ELP1: variants seen among roughly 807,000 people sequenced by gnomAD.
ELP1 encodes the protein elongator complex protein 1.
Under a neutral mutation model 183.2 loss-of-function variants are expected in ELP1, and 131 were observed. The ratio of observed to expected loss-of-function variants is 0.72; its 90% CI spans 0.62 to 0.83. The LOEUF (loss-of-function observed/expected upper bound fraction) is 0.83, where lower values mean the gene tolerates loss of function less well. Among genes scored for constraint, ELP1 ranks in the 40% least tolerant of loss-of-function variants. ELP1 has a pLI of 0.00. For missense variants in ELP1, 1,550 were observed against 1,594.9 expected, an observed-to-expected ratio of 0.97 and a Z score of 0.48; for synonymous variants, 555 against 569.0, an observed-to-expected ratio of 0.98 and a Z score of 0.35.
intron 36 of ELP1, among the ~76,000 whole-genome samples, chr9:108,873,290 T>A (rs777579204): frequency 6.6e-6 from 1 of 152,198 alleles, no homozygotes; most frequent in African/African-American, 2.4e-5. Context: ...AAATGACCCA[T>A]CAAGTCATTG....
At chr9:108,907,663 C>T (rs552888160) in intron 13 of ELP1, among the ~76,000 whole-genome samples, 1 of 152,202 alleles carries the variant, frequency 6.6e-6, no homozygotes, top group African/African-American at 2.4e-5. Context: ...TTACCAGGTC[C>T]ATGACCTTGG....
intron 18 of ELP1, among the ~76,000 whole-genome samples, chr9:108,901,136 A>G (rs999881902): frequency 3.3e-5 from 5 of 152,218 alleles, no homozygotes; most frequent in African/African-American, 4.8e-5. Flanking sequence ...GTAATTCCAA[A>G]TAAAATATTA....
intron 20 of ELP1, 73 bp downstream of exon 20, chr9:108,899,749 T>C: frequency 8.2e-7 from 1 of 1,214,940 alleles, no homozygotes; most frequent in Non-Finnish European, 1.2e-6. Flanking sequence ...TTCTCGAAAT[T>C]GTAATAAAAT....
intron 20 of ELP1, among the ~76,000 whole-genome samples, chr9:108,899,253 T>C (rs563933845): frequency 1.3e-5 from 2 of 151,990 alleles, no homozygotes; most frequent in East Asian, 1.9e-4. Context: ...TAAGCCGAGA[T>C]TGCGCCACTG....
In ELP1 at chr9:108,921,289, C is replaced by A. The variant is rs1433166829; in HGVS notation, c.552+1553G>T. Among the ~76,000 whole-genome samples the A allele has an allele frequency of 2.0e-5, 3 of 150,800 alleles. No individual in the cohort carries two copies. The East Asian group carries it at 5.9e-4, about 30-fold the overall frequency. ...CACCCCACCCCACAGCCCTACCCAA[C>A]CACTACTCTACTTTCTGCCTCTGTG... is the stretch of plus-strand genomic sequence containing the variant. On this transcript the variant is annotated intron_variant, in intron 6 of 36. Coordinates refer to ENST00000374647, the MANE Select transcript of ELP1 (RefSeq NM_003640.5).
chr9:108,903,330 G>T (rs147854908), intron 15 of ELP1, among the ~76,000 whole-genome samples: 1 of 151,590 alleles, frequency 6.6e-6, no homozygotes, highest in African/African-American at 2.4e-5. Flanking sequence ...TGCGGTGTTT[G>T]GTTTTTTGTC....
chr9:108,887,587 A>T (rs71499674), intron 29 of ELP1, among the ~76,000 whole-genome samples: 2,033 of 152,328 alleles, frequency 0.013, 23 homozygotes, highest in East Asian at 0.028. Flanking sequence ...AAATGAAATT[A>T]AAAACTAGTC....
intron 36 of ELP1, among the ~76,000 whole-genome samples, chr9:108,873,787 G>A (rs971161919): frequency 3.9e-4 from 60 of 152,134 alleles, no homozygotes; most frequent in East Asian, 1.3e-3. Flanking sequence ...TTGGGAGGCC[G>A]AGGCAGGAGG....
intron 13 of ELP1, 81 bp from the exon 14 acceptor site, chr9:108,906,566 A>C: frequency 1.7e-6 from 2 of 1,179,958 alleles, no homozygotes; most frequent in East Asian, 2.4e-5. Flanking sequence ...AGGAAGACTG[A>C]AGCATCTTGT....
Position 108,901,798 on chromosome 9 carries a change from G to C in ELP1, c.1855-117C>G, listed in dbSNP as rs1312716895. 11 of 983,682 alleles carry C rather than the reference G, an allele frequency of 1.1e-5. No homozygotes were observed. The East Asian group carries it at 2.0e-4, about 18-fold the overall frequency. 60.9% of individuals were successfully genotyped at this position (983,682 alleles called of 1,614,324 possible). On this transcript the variant is annotated intron_variant, in intron 16 of 36. Coordinates refer to ENST00000374647, the MANE Select transcript of ELP1 (RefSeq NM_003640.5). ...TTCACACCTAAGTTCCTGTAATCAGGACTAAAGATAGATACCTAAGACGTG... is the reference window on the plus strand; with the variant it reads ...TTCACACCTAAGTTCCTGTAATCAGCACTAAAGATAGATACCTAAGACGTG...
chr9:108,882,294 G>A, intron 29 of ELP1, 107 bp from the exon 30 acceptor site: 1 of 860,754 alleles, frequency 1.2e-6, no homozygotes, highest in South Asian at 1.4e-5. Flanking sequence ...CCTGGCCAGG[G>A]GAGAACTCCT....
rs147310486 is a variant in ELP1, at chr9:108,922,965, G to T, written c.467-38C>A. On this transcript the variant is annotated intron_variant, in intron 5 of 36. Transcript: ENST00000374647. Reference sequence around the variant, plus strand: ...TGGCAAGACAACTAATAAGCCACATGAAATGAAACAAAAACAGTTTCACTG... The same window carrying T: ...TGGCAAGACAACTAATAAGCCACATTAAATGAAACAAAAACAGTTTCACTG... The T allele has an allele frequency of 4.0e-4, 584 of 1,451,864 alleles. 1 individual carries two copies. The African/African-American group carries it at 7.1e-3, about 18-fold the overall frequency. The allele number at this position is 1,451,864 out of a possible 1,614,324, so 89.9% of individuals were successfully genotyped here.
At chr9:108,926,411 G>T in intron 5 of ELP1, 112 bp downstream of exon 5, 1 of 825,562 alleles carries the variant, frequency 1.2e-6, no homozygotes, top group South Asian at 1.4e-5. Flanking sequence ...AATAGCTGGG[G>T]GTTTAACTTT....
chr9:108,921,217 A>T (rs1027699781), intron 6 of ELP1, among the ~76,000 whole-genome samples: 3 of 152,136 alleles, frequency 2.0e-5, no homozygotes, highest in Admixed American at 2.0e-4. Flanking sequence ...GAGCATTTTC[A>T]TCATCCCCAA....
chr9:108,906,820 A>G (rs890199494), intron 13 of ELP1, among the ~76,000 whole-genome samples: 3 of 152,232 alleles, frequency 2.0e-5, no homozygotes, highest in Admixed American at 6.5e-5. Flanking sequence ...ACTTACCAGC[A>G]TTCAAACCAG....
Position 108,891,207 on chromosome 9 carries a change from C to T in ELP1, c.3156G>A (p.Leu1052=). Residue 1052 remains leucine, a synonymous_variant, in exon 28 of 37, where the codon CTG becomes CTA. Transcript: ENST00000374647. ...CATATAAATGATTGTACTTACCTGC[C>T]AGAGTTCTGCCGAGGCCCACCAGCT... ...KDQLVGLGRT[L]AGKLVEQRKH... is the part of the protein sequence containing the mutation. 6.2e-7 allele frequency: 1 copy of T among 1,614,066 alleles called. No individual in the cohort carries two copies. Among genetic ancestry groups the T allele is most frequent in the Non-Finnish European group, 8.5e-7 (1 of 1,179,976 alleles).
At chr9:108,922,606 A>C (rs1829685337) in intron 6 of ELP1, among the ~76,000 whole-genome samples, 3 of 152,196 alleles carry the variant, frequency 2.0e-5, no homozygotes, top group Non-Finnish European at 4.4e-5. Context: ...CTGGGTGATG[A>C]ATATTGGTTA....
chr9:108,900,450 C>G, intron 18 of ELP1, 75 bp from the exon 19 acceptor site: 2 of 987,966 alleles, frequency 2.0e-6, no homozygotes, highest in South Asian at 2.6e-5. Flanking sequence ...TGAAACCGCA[C>G]ACATTATGTG....
At chr9:108,871,834 C>T (rs1827470354) in intron 36 of ELP1, among the ~76,000 whole-genome samples, 1 of 152,004 alleles carries the variant, frequency 6.6e-6, no homozygotes, top group African/African-American at 2.4e-5. Context: ...GCTGCATCTT[C>T]AATACAACAT....
Sources: gnomAD v4.1 joint callset for allele counts (sites outside exome capture counted in the v4.1 genomes callset) on GRCh38, gnomAD v4.1.1 for gene constraint, MANE v1.5 for transcripts, NCBI Gene and HGNC (gene_info 2026-07-23, HGNC 2026-07-21) for gene names.